The following SGCZ variants were observed in gnomAD, a reference collection of about 807,000 sequenced individuals.
SGCZ encodes the protein sarcoglycan zeta, also known as zeta-sarcoglycan.
A neutral mutation model predicts 41.3 loss-of-function variants in SGCZ; 40 were observed. The ratio of observed to expected loss-of-function variants is 0.97; its 90% CI spans 0.75 to 1.26. SGCZ has a LOEUF of 1.26. Ranked by LOEUF, SGCZ falls within the 50% of genes most tolerant of loss-of-function variation. The pLI is 0.00. For missense variants in SGCZ, 552 were observed against 369.8 expected, an observed-to-expected ratio of 1.49 and a Z score of -4.04; for synonymous variants, 206 against 137.5, an observed-to-expected ratio of 1.50 and a Z score of -3.49.
rs888398559 is a variant in SGCZ, at chr8:15,205,462, C to T, written c.39+32123G>A. Among the ~76,000 whole-genome samples, 8 of 151,986 alleles carry T rather than the reference C, an allele frequency of 5.3e-5. 1 individual carries two copies. Among genetic ancestry groups the T allele is most frequent in the African/African-American group, 1.9e-4 (8 of 41,456 alleles). On this transcript the variant is annotated intron_variant, in intron 1 of 7. Coordinates refer to ENST00000382080, the MANE Select transcript of SGCZ (RefSeq NM_139167.4). ...GCAAAGGACATGAACAGACACCTAC[C>T]AAAGGAAAACATACATGTGGCCAAC...
At chr8:15,109,930 C>T (rs1350170757) in intron 1 of SGCZ, among the ~76,000 whole-genome samples, 1 of 152,008 alleles carries the variant, frequency 6.6e-6, no homozygotes, top group Non-Finnish European at 1.5e-5. Context: ...TACATATATA[C>T]AAATATACAT....
In SGCZ at chr8:14,936,763, T is replaced by G. The variant is rs116570411; in HGVS notation, c.39+300822A>C. On this transcript the variant is annotated intron_variant, in intron 1 of 7. Coordinates refer to ENST00000382080, the MANE Select transcript of SGCZ (RefSeq NM_139167.4). ...AGTGGTTAAATACAAACAATGTCAG[T>G]GTTTGAAAATGAGATTCGAAATTAT... 4.8e-3 allele frequency among the ~76,000 whole-genome samples: 732 copies of G among 151,988 alleles called. 5 individuals carry two copies. Among genetic ancestry groups the G allele is most frequent in the African/African-American group, 0.017 (702 of 41,534 alleles).
chr8:14,948,336 A>G (rs993628501), intron 1 of SGCZ, among the ~76,000 whole-genome samples: 1 of 152,268 alleles, frequency 6.6e-6, no homozygotes, highest in East Asian at 1.9e-4. Context: ...GAAATTTAAT[A>G]ATCACAACTC....
At chr8:14,379,928 C>T (rs1470412192) in intron 2 of SGCZ, among the ~76,000 whole-genome samples, 1 of 152,082 alleles carries the variant, frequency 6.6e-6, no homozygotes, top group African/African-American at 2.4e-5. Flanking sequence ...GATGGGGCTT[C>T]ACCATGTTGG....
intron 2 of SGCZ, among the ~76,000 whole-genome samples, chr8:14,335,494 C>A (rs1345801997): frequency 1.3e-5 from 2 of 152,170 alleles, no homozygotes; most frequent in African/African-American, 2.4e-5. Context: ...ATATTAGCTT[C>A]TTTTTAACAT....
At chr8:14,536,127 T>C (rs1304221643) in intron 2 of SGCZ, among the ~76,000 whole-genome samples, 2 of 152,042 alleles carry the variant, frequency 1.3e-5, no homozygotes, top group African/African-American at 4.8e-5. Context: ...GCATTTTGTT[T>C]AGCATATACA....
intron 1 of SGCZ, among the ~76,000 whole-genome samples, chr8:15,001,961 A>G (rs752140429): frequency 5.3e-5 from 8 of 152,134 alleles, no homozygotes; most frequent in Non-Finnish European, 1.2e-4. Context: ...AGGGTTGAAT[A>G]AAGAGCGAAG....
At chr8:15,049,524 T>C (rs960772006) in intron 1 of SGCZ, among the ~76,000 whole-genome samples, 1 of 152,168 alleles carries the variant, frequency 6.6e-6, no homozygotes, top group Non-Finnish European at 1.5e-5. Flanking sequence ...AAAAGATTGC[T>C]CTGACTCTCC....
At chr8:14,153,935 A>ACC (rs1299352971) in intron 5 of SGCZ, among the ~76,000 whole-genome samples, 2 of 120,964 alleles carry the variant, frequency 1.7e-5, no homozygotes, top group African/African-American at 6.4e-5. Flanking sequence ...ACACACACAC[A>ACC]CACAGACACA....
rs867589174 is a variant in SGCZ, at chr8:14,784,913, A to T, written c.40-229987T>A. On this transcript the variant is annotated intron_variant, in intron 1 of 7. Transcript: ENST00000382080. ...GTGAAACTCTGCCTCAAAAAAAAAA[A>T]ATATATATATATATATATATAAAAT... Among the ~76,000 whole-genome samples the T allele has an allele frequency of 2.6e-3, 230 of 88,014 alleles. 4 individuals are homozygous for T. Among genetic ancestry groups the T allele is most frequent in the Admixed American group, 4.0e-3 (27 of 6,760 alleles). The allele number at this position is 88,014 out of a possible 152,430, so 57.7% of individuals were successfully genotyped here. A position where few individuals can be genotyped will look rare whatever the true frequency, so the allele number is the denominator to read the frequency against.
intron 1 of SGCZ, among the ~76,000 whole-genome samples, chr8:14,679,442 C>T (rs1157803631): frequency 2.0e-5 from 3 of 151,440 alleles, no homozygotes; most frequent in African/African-American, 7.3e-5. Context: ...CCCGCATAGG[C>T]CCAAACTAAT....
intron 1 of SGCZ, among the ~76,000 whole-genome samples, chr8:15,007,553 A>G (rs1482977132): frequency 1.3e-5 from 2 of 152,202 alleles, no homozygotes; most frequent in East Asian, 3.8e-4. Flanking sequence ...CTCAAGGCAT[A>G]TCTGTGTTTC....
chr8:14,728,238 A>G (rs1243569207), intron 1 of SGCZ, among the ~76,000 whole-genome samples: 1 of 152,190 alleles, frequency 6.6e-6, no homozygotes, highest in Non-Finnish European at 1.5e-5. Flanking sequence ...TTCTCTAAAA[A>G]TAAATTAACA....
At chr8:14,115,480 AG>A (rs1802495222) in intron 5 of SGCZ, among the ~76,000 whole-genome samples, 2 of 152,140 alleles carry the variant, frequency 1.3e-5, no homozygotes, top group South Asian at 4.1e-4. Context: ...GAAACTGAGA[AG>A]ATTAAGATTC....
At chr8:15,152,318 G>C (rs200765829) in intron 1 of SGCZ, among the ~76,000 whole-genome samples, 2 of 152,204 alleles carry the variant, frequency 1.3e-5, no homozygotes, top group East Asian at 3.9e-4. Flanking sequence ...ACAAGGATAA[G>C]TGGAAGTTTC....
chr8:14,222,965 C>G (rs980187734), intron 4 of SGCZ, among the ~76,000 whole-genome samples: 1 of 151,756 alleles, frequency 6.6e-6, no homozygotes, highest in Non-Finnish European at 1.5e-5. Flanking sequence ...GCACGTACCA[C>G]CACACCCAGC....
At chr8:14,592,983 T>G (rs7845451) in intron 1 of SGCZ, among the ~76,000 whole-genome samples, 28,533 of 152,132 alleles carry the variant, frequency 0.19, 2,755 homozygotes, top group South Asian at 0.21. Context: ...ATTGTTGGTT[T>G]CTGTTGTCTC....
chr8:14,557,652 A>G (rs1804074090), intron 1 of SGCZ, among the ~76,000 whole-genome samples: 1 of 152,092 alleles, frequency 6.6e-6, no homozygotes. Flanking sequence ...TGGCTTGCCA[A>G]TTACCCCCAC....
intron 3 of SGCZ, among the ~76,000 whole-genome samples, chr8:14,307,297 G>T (rs902062782): frequency 6.6e-6 from 1 of 152,122 alleles, no homozygotes; most frequent in African/African-American, 2.4e-5. Context: ...TTCAGTTTCA[G>T]AGTGGTGCCA....
Sources: allele counts gnomAD v4.1 joint callset (sites outside exome capture counted in the v4.1 genomes callset), GRCh38; gene constraint gnomAD v4.1.1; transcripts MANE v1.5; gene names NCBI Gene and HGNC (gene_info 2026-07-23, HGNC 2026-07-21).